Variants in DDHD2 observed in about 807,000 individuals in gnomAD.
The protein encoded by DDHD2 is DDHD domain containing 2, also known as triacylglycerol hydrolase DDHD2.
In DDHD2, 62 loss-of-function variants were observed where a neutral mutation model predicts 91.2. That is an observed-to-expected ratio of 0.68 (90% CI 0.55 to 0.84). DDHD2 has a LOEUF of 0.84. Ranked by LOEUF, DDHD2 falls within the 40% of genes least tolerant of loss-of-function variation. DDHD2 has a pLI of 0.00. For missense variants in DDHD2, 740 were observed against 846.9 expected (o/e 0.87, Z 1.57); for synonymous variants, 271 against 293.9 (o/e 0.92, Z 0.80).
At chr8:38,265,281 A>T (rs1807418599), downstream of DDHD2, among the ~76,000 whole-genome samples, 1 of 151,678 alleles carries the variant, frequency 6.6e-6, no homozygotes, top group Non-Finnish European at 1.5e-5. Flanking sequence ...AAAAAAAAAA[A>T]AAAGAGTTGC....
intron 1 of DDHD2, chr8:38,270,199 T>C (rs1438493610): frequency 2.6e-5 from 4 of 152,230 alleles, no homozygotes; most frequent in East Asian, 1.9e-4. Context: ...TTAGTGAATA[T>C]TGATGCTTTG....
At chr8:38,257,283 C>T (rs1242178878) in intron 16 of DDHD2, among the ~76,000 whole-genome samples, 1 of 116,666 alleles carries the variant, frequency 8.6e-6, no homozygotes, top group Non-Finnish European at 1.6e-5. Context: ...GAGTCTCACT[C>T]TGTCACCCAG....
chr8:38,273,349 A>AT (rs1333069069), downstream of DDHD2: 5 of 152,084 alleles, frequency 3.3e-5, no homozygotes, highest in African/African-American at 4.8e-5. Context: ...CCTATTAATC[A>AT]TAATTTTTTT....
chr8:38,249,136 G>A (rs1187561777), intron 10 of DDHD2, among the ~76,000 whole-genome samples: 3 of 151,446 alleles, frequency 2.0e-5, no homozygotes, highest in African/African-American at 4.8e-5. Flanking sequence ...TTTTTGAGAC[G>A]GAGTCTTGCT....
At chr8:38,255,476 T>A (rs1806444898) in intron 16 of DDHD2, 1 of 278,298 alleles carries the variant, frequency 3.6e-6, no homozygotes, top group Admixed American at 5.5e-5. Context: ...AGCCTCTTTT[T>A]TATTTTGTTT....
At chr8:38,235,550 C>T (rs560434467) in intron 3 of DDHD2, among the ~76,000 whole-genome samples, 115 of 151,640 alleles carry the variant, frequency 7.6e-4, no homozygotes, top group African/African-American at 2.4e-3. Flanking sequence ...GGAGAAACCT[C>T]GTCTCTACTA....
intron 2 of DDHD2, 69 bp from the exon 3 acceptor site, chr8:38,234,325 C>G: frequency 8.3e-7 from 1 of 1,207,132 alleles, no homozygotes; most frequent in African/African-American, 1.6e-5. Flanking sequence ...TAGAGTATAA[C>G]TGAGAATTGT....
chr8:38,269,202 G>C (rs1283298518), intron 1 of DDHD2: 30 of 1,498,682 alleles, frequency 2.0e-5, no homozygotes, highest in Non-Finnish European at 7.1e-6. Flanking sequence ...TTCCCCATCC[G>C]GCCGCGAGCT....
chr8:38,272,208 A>G (rs964112953), downstream of DDHD2: 3 of 152,208 alleles, frequency 2.0e-5, no homozygotes, highest in African/African-American at 7.2e-5. Context: ...CCCTGCCTCC[A>G]TTACTTTTTT....
Position 38,260,070 on chromosome 8 carries a change from CAA to C in DDHD2, c.2087_2088del (p.Lys696ArgfsTer11). Reference sequence around the variant, plus strand: ...CTGAAGATACAGTATTGCTCGTCCTCAAAGAGATCTACCAAACCCAGGGTATC... The same window carrying C: ...CTGAAGATACAGTATTGCTCGTCCTCAGAGATCTACCAAACCCAGGGTATC... Reference protein sequence around the residue: ...ESEDTVLLVLKEIYQTQGIFL... With the variant: ...ESEDTVLLVLXEIYQTQGIFL... On this transcript the variant is annotated frameshift_variant, in exon 17 of 18. Transcript: ENST00000397166. LOFTEE classifies it high-confidence loss of function. 1 of 1,613,628 alleles carries C rather than the reference CAA, an allele frequency of 6.2e-7. No homozygotes were observed. The highest frequency in any genetic ancestry group is 8.5e-7 in the Non-Finnish European group (1 of 1,179,592).
chr8:38,267,268 G>C, downstream of DDHD2: 1 of 1,613,976 alleles, frequency 6.2e-7, no homozygotes, highest in African/African-American at 1.3e-5. Context: ...TATTCATACA[G>C]GAAGAATGTC....
chr8:38,267,036 TATAAC>T (rs1807722009), downstream of DDHD2: 2 of 1,410,284 alleles, frequency 1.4e-6, no homozygotes, highest in Non-Finnish European at 1.8e-6. Context: ...AGGCAAATAA[TATAAC>T]AATTAAATGT....
At chr8:38,259,594 C>T (rs1806814748) in intron 16 of DDHD2, among the ~76,000 whole-genome samples, 2 of 152,280 alleles carry the variant, frequency 1.3e-5, no homozygotes, top group Middle Eastern at 6.8e-3. Context: ...CCATATTGGC[C>T]AGGCTGGTCT....
intron 7 of DDHD2, among the ~76,000 whole-genome samples, chr8:38,243,857 T>C (rs1585724554): frequency 6.7e-6 from 1 of 150,120 alleles, no homozygotes; most frequent in Admixed American, 6.7e-5. Flanking sequence ...CAGGCTGGAG[T>C]GCAGTGGCGT....
At chr8:38,267,493 TGCCCCAGGCAAAATAAGG>T, downstream of DDHD2, 1 of 1,394,026 alleles carries the variant, frequency 7.2e-7, no homozygotes, top group Non-Finnish European at 9.7e-7. Context: ...GGTCAAATAG[TGCCCCAGGCAAAATAAGG>T]TAACTGGCTT....
intron 16 of DDHD2, among the ~76,000 whole-genome samples, chr8:38,254,317 G>A (rs977513394): frequency 1.6e-4 from 24 of 152,216 alleles, no homozygotes; most frequent in African/African-American, 5.5e-4. Flanking sequence ...TATTACTGTT[G>A]CTGGAAGTCT....
At chr8:38,247,937 AC>A in intron 10 of DDHD2, 102 bp downstream of exon 10, 11 of 849,742 alleles carry the variant, frequency 1.3e-5, no homozygotes, top group Non-Finnish European at 1.9e-5. Context: ...AGTCATAAAT[AC>A]TTTATGATTA....
chr8:38,267,487 A>C, downstream of DDHD2: 4 of 1,427,342 alleles, frequency 2.8e-6, no homozygotes, highest in Non-Finnish European at 3.8e-6. Flanking sequence ...ACTATTGGTC[A>C]AATAGTGCCC....
In DDHD2 at chr8:38,234,541, A is replaced by G. The variant is rs144993452; in HGVS notation, c.368A>G (p.Asn123Ser). The stretch of plus-strand genomic sequence containing the variant: ...TGGTTTTACAAGGGGGACAAAGACA[A>G]TAAGTATGTTCCCTACTCGGAGAGC... ...CTWFYKGDKD[N>S]KYVPYSESFS... Residue 123 changes from asparagine to serine, a missense_variant, in exon 3 of 18, where the codon AAT (asparagine) becomes AGT (serine). Asn to Ser is a conservative substitution (Grantham distance 46). Coordinates refer to ENST00000397166, the MANE Select transcript of DDHD2 (RefSeq NM_015214.3). 6.2e-6 allele frequency: 10 copies of G among 1,612,716 alleles called. No homozygotes were observed. Among genetic ancestry groups the G allele is most frequent in the African/African-American group, 4.0e-5 (3 of 74,984 alleles).
Sources: gnomAD v4.1 joint callset for allele counts (sites outside exome capture counted in the v4.1 genomes callset) on GRCh38, gnomAD v4.1.1 for gene constraint, MANE v1.5 for transcripts, NCBI Gene and HGNC (gene_info 2026-07-23, HGNC 2026-07-21) for gene names.